The following HIVEP1 variants were observed in gnomAD, a reference collection of about 807,000 sequenced individuals.
The protein encoded by HIVEP1 is zinc finger protein 40.
A neutral mutation model predicts 180.0 loss-of-function variants in HIVEP1; 36 were observed. The ratio of observed to expected loss-of-function variants is 0.20; its 90% CI spans 0.15 to 0.26. HIVEP1 has a LOEUF of 0.26. Among genes scored for constraint, HIVEP1 ranks in the 10% least tolerant of loss-of-function variants. The probability of loss-of-function intolerance (pLI) is 1.00; values close to 1 mark genes in which losing one functional copy is unlikely to be tolerated. For missense variants in HIVEP1, 3,143 were observed against 3,268.7 expected (o/e 0.96, Z 0.94); for synonymous variants, 1,239 against 1,239.0 (o/e 1.00, Z 0.00).
Position 12,125,051 on chromosome 6 carries a change from T to C in HIVEP1, c.5256T>C (p.Asn1752=), listed in dbSNP as rs745379772. ...GTAAAAGGATGCTTTCCCCAGCAAA[T>C]AGTTTAGACATTGCCATGGAAAAGC... ...ASSKRMLSPA[N]SLDIAMEKHQ... Residue 1752 remains asparagine, a synonymous_variant, in exon 4 of 9, where the codon AAT becomes AAC. Transcript: ENST00000379388. 1.2e-6 allele frequency: 2 copies of C among 1,614,034 alleles called. No homozygotes were observed. The highest frequency in any genetic ancestry group is 1.1e-5 in the South Asian group (1 of 91,076).
At chr6:12,180,023 C>T in the HIVEP1 span, among the ~76,000 whole-genome samples, 1 of 152,122 alleles carries the variant, frequency 6.6e-6, no homozygotes, top group Admixed American at 6.5e-5. Flanking sequence ...TATCAATATG[C>T]ACTCAAGATA....
At chr6:12,027,579 A>G (rs1231223853) in intron 2 of HIVEP1, among the ~76,000 whole-genome samples, 1 of 152,198 alleles carries the variant, frequency 6.6e-6, no homozygotes, top group Non-Finnish European at 1.5e-5. Flanking sequence ...CTTGGTAGAA[A>G]ACTACTGCAG....
At chr6:12,150,167 C>T (rs1057108818) in intron 7 of HIVEP1, among the ~76,000 whole-genome samples, 1 of 152,192 alleles carries the variant, frequency 6.6e-6, no homozygotes, top group Admixed American at 6.5e-5. Context: ...TGCACATTCC[C>T]TTGTTTTCTT....
At chr6:12,114,149 C>T (rs1054262852) in intron 3 of HIVEP1, among the ~76,000 whole-genome samples, 10 of 152,134 alleles carry the variant, frequency 6.6e-5, no homozygotes, top group Non-Finnish European at 1.0e-4. Context: ...CCCAGGAGAG[C>T]GCCTGTATTT....
chr6:12,009,352 T>G (rs1287331514), upstream of HIVEP1, among the ~76,000 whole-genome samples: 1 of 152,140 alleles, frequency 6.6e-6, no homozygotes, highest in Non-Finnish European at 1.5e-5. Context: ...AAACGTGTGT[T>G]GAGCTTTTCA....
intron 2 of HIVEP1, among the ~76,000 whole-genome samples, chr6:12,086,441 G>C (rs1773128645): frequency 1.3e-5 from 2 of 152,054 alleles, no homozygotes; most frequent in African/African-American, 4.8e-5. Context: ...ATTTATTTCT[G>C]AATGTATAGT....
intron 7 of HIVEP1, among the ~76,000 whole-genome samples, chr6:12,139,731 C>A (rs868277210): frequency 2.6e-5 from 4 of 152,370 alleles, no homozygotes; most frequent in Middle Eastern, 3.4e-3. Context: ...GCCTTGCTCA[C>A]TGCTAGCACA....
rs1757633057 is a variant in HIVEP1, at chr6:12,121,319, G to A, written c.1524G>A (p.Leu508=). 6.2e-7 allele frequency: 1 copy of A among 1,614,012 alleles called. No individual in the cohort carries two copies. The highest frequency in any genetic ancestry group is 1.3e-5 in the African/African-American group (1 of 74,924). ...CCACTGATGAGAGACAGCATGACCT[G>A]GGCGCCATGGAGCTGCAGCCTGTGC... ...EGATDERQHD[L]GAMELQPVHI... The change falls in exon 4 of 9, where the codon CTG becomes CTA. Residue 508 remains leucine, a synonymous_variant. Coordinates refer to ENST00000379388, the MANE Select transcript of HIVEP1 (RefSeq NM_002114.4). This position sits in a 1 kb window ranked among gnomAD's most constrained non-coding sequence, Gnocchi z 5.3.
chr6:12,016,306 A>G, intron 2 of HIVEP1, among the ~76,000 whole-genome samples: 1 of 152,236 alleles, frequency 6.6e-6, no homozygotes, highest in East Asian at 1.9e-4. Context: ...ATTGTTTAAA[A>G]AGATTTGTAT....
intron 7 of HIVEP1, among the ~76,000 whole-genome samples, chr6:12,153,624 T>G (rs1275180689): frequency 6.7e-6 from 1 of 150,188 alleles, no homozygotes; most frequent in Non-Finnish European, 1.5e-5. Context: ...TTTTAGGTTC[T>G]AAGAATTTAA....
intron 3 of HIVEP1, among the ~76,000 whole-genome samples, chr6:12,113,000 A>T (rs1052897531): frequency 6.6e-6 from 1 of 151,760 alleles, no homozygotes; most frequent in African/African-American, 2.4e-5. Context: ...GGCTTTGCTC[A>T]GGGGGAGGAA....
At chr6:12,100,803 A>T (rs1774071375) in intron 3 of HIVEP1, among the ~76,000 whole-genome samples, 1 of 152,178 alleles carries the variant, frequency 6.6e-6, no homozygotes, top group Non-Finnish European at 1.5e-5. Context: ...CTTTTTGAGC[A>T]CTAATATGAT....
upstream of HIVEP1, among the ~76,000 whole-genome samples, chr6:12,011,654 G>A: frequency 6.7e-6 from 1 of 149,386 alleles, no homozygotes; most frequent in African/African-American, 2.4e-5. Context: ...GCGGGGAGGG[G>A]CGAAGCGGCG....
Position 12,121,992 on chromosome 6 carries a change from G to C in HIVEP1, c.2197G>C (p.Gly733Arg), listed in dbSNP as rs779147537. 6.2e-7 allele frequency: 1 copy of C among 1,614,176 alleles called. No individual in the cohort carries two copies. The highest frequency in any genetic ancestry group is 1.7e-5 in the Admixed American group (1 of 60,024). The change falls in exon 4 of 9, where the codon GGT becomes CGT. Residue 733 changes from glycine to arginine, a missense_variant. This residue lies in a region of HIVEP1 where 365 missense variants were observed against 344.4 expected (regional missense o/e 1.06). Coordinates refer to ENST00000379388, the MANE Select transcript of HIVEP1 (RefSeq NM_002114.4). This position sits in a 1 kb window ranked among gnomAD's most constrained non-coding sequence, Gnocchi z 5.3. ...PTGEKALLLP[G>R]QMRPPLATKT... ...AGGGGAAAAGGCATTGCTTTTACCA[G>C]GTCAGATGCGCCCACCTTTGGCCAC...
intron 3 of HIVEP1, among the ~76,000 whole-genome samples, chr6:12,117,101 A>G (rs927592479): frequency 6.6e-6 from 1 of 152,160 alleles, no homozygotes; most frequent in African/African-American, 2.4e-5. Context: ...AAAGGTAAAA[A>G]CCTTTTCCCT....
chr6:12,077,392 A>C lies in HIVEP1; in HGVS notation c.41-11792A>C, dbSNP rs967701880. On this transcript the variant is annotated intron_variant, in intron 2 of 8. Transcript: ENST00000379388. ...GACGCTTTGTTCAGGGTTACATTCAAGACTCCAGGTGGGTGCTCTAGTGCC... is the reference window on the plus strand; with the variant it reads ...GACGCTTTGTTCAGGGTTACATTCACGACTCCAGGTGGGTGCTCTAGTGCC... Among the ~76,000 whole-genome samples, 4 of 152,198 alleles carry C rather than the reference A, an allele frequency of 2.6e-5. No individual in the cohort carries two copies. The East Asian group carries it at 7.7e-4, about 29-fold the overall frequency.
At chr6:12,101,355 A>G (rs1774100538) in intron 3 of HIVEP1, among the ~76,000 whole-genome samples, 1 of 152,198 alleles carries the variant, frequency 6.6e-6, no homozygotes, top group Non-Finnish European at 1.5e-5. Flanking sequence ...AGTAATGATA[A>G]CAGTGTATTT....
chr6:12,171,193 G>C, the HIVEP1 span, among the ~76,000 whole-genome samples: 1 of 152,098 alleles, frequency 6.6e-6, no homozygotes, highest in African/African-American at 2.4e-5. Flanking sequence ...CTAATCTGGG[G>C]CATAGTAGAA....
rs192894474 is a variant in HIVEP1 at position 12,070,454 on chromosome 6, G to A, written c.41-18730G>A. 2.6e-3 allele frequency among the ~76,000 whole-genome samples: 396 copies of A among 152,228 alleles called. 3 individuals carry two copies. The highest frequency in any genetic ancestry group is 9.1e-3 in the African/African-American group (376 of 41,538). On this transcript the variant is annotated intron_variant, in intron 2 of 8. Transcript: ENST00000379388. Reference sequence around the variant, plus strand: ...TGTAATCTCAGCACTTTGGGAGGCCGAGGCGGGTAGATCACTTGGGGTTAG... The same window carrying A: ...TGTAATCTCAGCACTTTGGGAGGCCAAGGCGGGTAGATCACTTGGGGTTAG...
Sources: allele counts gnomAD v4.1 joint callset (sites outside exome capture counted in the v4.1 genomes callset), GRCh38; gene constraint gnomAD v4.1.1; regional missense constraint gnomAD v4.1.1; non-coding constraint Gnocchi (gnomAD v3.1); transcripts MANE v1.5; gene names NCBI Gene and HGNC (gene_info 2026-07-23, HGNC 2026-07-21).